FYB1: variants seen among roughly 807,000 people sequenced by gnomAD.
The protein encoded by FYB1 is FYN binding protein 1, also known as FYN-binding protein 1.
Under a neutral mutation model 94.1 loss-of-function variants are expected in FYB1, and 41 were observed. The ratio of observed to expected loss-of-function variants is 0.44; its 90% CI spans 0.34 to 0.57. The LOEUF (loss-of-function observed/expected upper bound fraction) is 0.57. Among genes scored for constraint, FYB1 ranks in the 20% least tolerant of loss-of-function variants. The probability of loss-of-function intolerance (pLI) is 0.02; values close to 1 mark genes in which losing one functional copy is unlikely to be tolerated. For synonymous variants in FYB1, 367 were observed against 353.2 expected, an observed-to-expected ratio of 1.04 and a Z score of -0.44; for missense variants, 1,050 against 976.8, an observed-to-expected ratio of 1.07 and a Z score of -1.00.
chr5:39,186,241 T>G (rs1746777708), intron 2 of FYB1, among the ~76,000 whole-genome samples: 1 of 152,122 alleles, frequency 6.6e-6, no homozygotes, highest in Non-Finnish European at 1.5e-5. Flanking sequence ...TTGGCCAACA[T>G]GGTGAAACCC....
chr5:39,273,345 C>G (rs756522444), intron 1 of FYB1, among the ~76,000 whole-genome samples: 4 of 152,138 alleles, frequency 2.6e-5, no homozygotes, highest in Non-Finnish European at 2.9e-5. Flanking sequence ...TGAGTTGAAA[C>G]TCCCAACTAT....
chr5:39,233,609 T>C (rs1228364934), intron 1 of FYB1, among the ~76,000 whole-genome samples: 1 of 152,154 alleles, frequency 6.6e-6, no homozygotes, highest in African/African-American at 2.4e-5. Context: ...ATGAAAAATA[T>C]ATTTTCTAAA....
intron 2 of FYB1, among the ~76,000 whole-genome samples, chr5:39,192,514 C>T (rs1747451225): frequency 6.6e-6 from 1 of 152,230 alleles, no homozygotes; most frequent in Non-Finnish European, 1.5e-5. Flanking sequence ...GTTGAATGGG[C>T]AATATTTTCT....
intron 1 of FYB1, among the ~76,000 whole-genome samples, chr5:39,238,546 T>C (rs183648788): frequency 2.9e-4 from 44 of 152,114 alleles, no homozygotes; most frequent in African/African-American, 1.0e-3. Context: ...GCAGCTGTCA[T>C]GTGAGAAAAA....
At chr5:39,115,098 A>AT (rs10652993) in intron 16 of FYB1, among the ~76,000 whole-genome samples, 83,211 of 144,190 alleles carry the variant, frequency 0.58, 24,824 homozygotes, top group South Asian at 0.74. Flanking sequence ...GAAACACATA[A>AT]TTTTTTTTTT....
chr5:39,130,173 GTAC>G (rs984450433), intron 10 of FYB1, among the ~76,000 whole-genome samples: 1 of 152,076 alleles, frequency 6.6e-6, no homozygotes, highest in African/African-American at 2.4e-5. Flanking sequence ...AATACTGCAT[GTAC>G]TCACACATAT....
chr5:39,110,423 A>C (rs1217283800), intron 16 of FYB1, 34 bp from the exon 17 acceptor site: 5 of 1,440,866 alleles, frequency 3.5e-6, no homozygotes, highest in Non-Finnish European at 3.9e-6. Flanking sequence ...TTGTATCAAT[A>C]ATACAGGTTG....
chr5:39,239,896 C>T (rs917083639), intron 1 of FYB1, among the ~76,000 whole-genome samples: 6 of 152,174 alleles, frequency 3.9e-5, no homozygotes, highest in Admixed American at 6.6e-5. Flanking sequence ...CATCACATTA[C>T]TCAATTTCAA....
chr5:39,156,254 C>G (rs1392673631), intron 2 of FYB1, among the ~76,000 whole-genome samples: 1 of 152,246 alleles, frequency 6.6e-6, no homozygotes, highest in Admixed American at 6.5e-5. Context: ...CTAATGGGCC[C>G]TCTGTGGTTC....
At chr5:39,173,272 G>T (rs1745422474) in intron 2 of FYB1, among the ~76,000 whole-genome samples, 1 of 152,066 alleles carries the variant, frequency 6.6e-6, no homozygotes, top group African/African-American at 2.4e-5. Context: ...GTCTGTTCAT[G>T]TTCTTTGCCC....
rs1743450745 is a variant in FYB1, at chr5:39,153,534, G to T, written c.1206C>A (p.Ser402Arg). 6.2e-7 allele frequency: 1 copy of T among 1,613,790 alleles called. No individual in the cohort carries two copies. Among genetic ancestry groups the T allele is most frequent in the Admixed American group, 1.7e-5 (1 of 59,992 alleles). Reference sequence around the variant, plus strand: ...GGTGAGATGCTGGCAATGGTGGTTGGCTGGCCGGATGGGATGGTGGAGGTG... The same window carrying T: ...GGTGAGATGCTGGCAATGGTGGTTGTCTGGCCGGATGGGATGGTGGAGGTG... Reference protein sequence around the residue: ...LPPPPPSHPASQPPLPASHPS... With the variant: ...LPPPPPSHPARQPPLPASHPS... The change falls in exon 3 of 19, where the codon AGC (serine) becomes AGA (arginine). Residue 402 changes from serine to arginine, a missense_variant. By Grantham distance (110) the Ser-to-Arg change is moderately radical. Coordinates refer to ENST00000512982, the MANE Select transcript of FYB1 (RefSeq NM_001465.6).
intron 3 of FYB1, 126 bp downstream of exon 3, chr5:39,153,322 C>G (rs1325074771): frequency 8.4e-7 from 1 of 1,183,568 alleles, no homozygotes; most frequent in Non-Finnish European, 1.2e-6. Flanking sequence ...AGCTCTTCTC[C>G]CTGCCAGCTG....
chr5:39,165,341 C>T (rs888918188), intron 2 of FYB1, among the ~76,000 whole-genome samples: 1 of 152,072 alleles, frequency 6.6e-6, no homozygotes, highest in Non-Finnish European at 1.5e-5. Context: ...AGCCACATAC[C>T]CACAGCCAAC....
intron 1 of FYB1, among the ~76,000 whole-genome samples, chr5:39,256,436 G>T (rs537974814): frequency 7.9e-5 from 12 of 152,104 alleles, no homozygotes; most frequent in African/African-American, 2.9e-4. Context: ...TATTACGTAC[G>T]GGTTTTCATG....
chr5:39,224,859 G>C (rs75026558), intron 1 of FYB1, among the ~76,000 whole-genome samples: 1,526 of 152,102 alleles, frequency 0.01, 21 homozygotes, highest in African/African-American at 0.032. Context: ...CATTCTTCCT[G>C]CTTTCTTCCA....
chr5:39,232,687 A>G (rs1251269448), intron 1 of FYB1, among the ~76,000 whole-genome samples: 2 of 151,450 alleles, frequency 1.3e-5, no homozygotes, highest in African/African-American at 2.4e-5. Flanking sequence ...ATCTAGCATT[A>G]GGTATATCTC....
chr5:39,154,543 G>A (rs1743572887), intron 2 of FYB1, among the ~76,000 whole-genome samples: 1 of 144,802 alleles, frequency 6.9e-6, no homozygotes, highest in South Asian at 2.2e-4. Flanking sequence ...GTCTAGCTCT[G>A]TCGCCCAGGC....
At chr5:39,178,869 G>A in intron 2 of FYB1, among the ~76,000 whole-genome samples, 1 of 152,088 alleles carries the variant, frequency 6.6e-6, no homozygotes, top group East Asian at 1.9e-4. Context: ...TATAATCTTA[G>A]GAAATCCTTT....
chr5:39,212,063 G>A (rs1396621401), intron 1 of FYB1, among the ~76,000 whole-genome samples: 1 of 152,152 alleles, frequency 6.6e-6, no homozygotes, highest in African/African-American at 2.4e-5. Flanking sequence ...CCCAGCAATT[G>A]GAGAAGCTGA....
Sources: allele counts gnomAD v4.1 joint callset (sites outside exome capture counted in the v4.1 genomes callset), GRCh38; gene constraint gnomAD v4.1.1; transcripts MANE v1.5; gene names NCBI Gene and HGNC (gene_info 2026-07-23, HGNC 2026-07-21).